RIMS2: variants seen among roughly 807,000 people sequenced by gnomAD.
RIMS2 encodes the protein regulating synaptic membrane exocytosis protein 2.
In RIMS2, 59 loss-of-function variants were observed where a neutral mutation model predicts 174.4. The ratio of observed to expected loss-of-function variants is 0.34; its 90% CI spans 0.27 to 0.42. The LOEUF (loss-of-function observed/expected upper bound fraction) is 0.42, where lower values mean the gene tolerates loss of function less well. Among genes scored for constraint, RIMS2 ranks in the 10% least tolerant of loss-of-function variants. The pLI is 1.00. For missense variants in RIMS2, 1,620 were observed against 1,666.3 expected (o/e 0.97, Z 0.48); for synonymous variants, 606 against 572.5 (o/e 1.06, Z -0.84).
chr8:103,800,425 C>G (rs1396640099), intron 3 of RIMS2, among the ~76,000 whole-genome samples: 2 of 152,086 alleles, frequency 1.3e-5, no homozygotes, highest in Non-Finnish European at 2.9e-5. Flanking sequence ...AGGGTGAATG[C>G]TTTGAGTCTT....
chr8:103,563,317 T>C (rs1184808852), intron 1 of RIMS2, among the ~76,000 whole-genome samples: 1 of 152,176 alleles, frequency 6.6e-6, no homozygotes, highest in African/African-American at 2.4e-5. Flanking sequence ...ATCTTGAATG[T>C]TTTGCTGCTT....
chr8:103,773,559 A>T (rs985028185), intron 3 of RIMS2, among the ~76,000 whole-genome samples: 6 of 151,974 alleles, frequency 3.9e-5, no homozygotes, highest in Non-Finnish European at 7.4e-5. Flanking sequence ...GAGAAAACCC[A>T]TCTCTACTAA....
intron 1 of RIMS2, among the ~76,000 whole-genome samples, chr8:103,560,057 G>GC (rs2091332727): frequency 6.6e-6 from 1 of 152,176 alleles, no homozygotes; most frequent in African/African-American, 2.4e-5. Flanking sequence ...TTCCAAAGCT[G>GC]CCCCCAAATC....
At chr8:104,090,670 G>C (rs182274241) in intron 19 of RIMS2, among the ~76,000 whole-genome samples, 181 of 151,834 alleles carry the variant, frequency 1.2e-3, no homozygotes, top group Non-Finnish European at 1.3e-3. Flanking sequence ...CCTGCAGTCG[G>C]GAATCAGTAT....
chr8:103,579,547 T>C (rs1417634078), intron 1 of RIMS2, among the ~76,000 whole-genome samples: 1 of 152,112 alleles, frequency 6.6e-6, no homozygotes, highest in Non-Finnish European at 1.5e-5. Context: ...CAACATAAAG[T>C]AAAAATGGGA....
intron 1 of RIMS2, among the ~76,000 whole-genome samples, chr8:103,536,737 C>T (rs1325221310): frequency 1.3e-5 from 2 of 152,172 alleles, no homozygotes; most frequent in Non-Finnish European, 2.9e-5. Context: ...TGGTGCTAAA[C>T]TATTCATGAG....
intron 19 of RIMS2, among the ~76,000 whole-genome samples, chr8:104,018,005 A>G (rs1249832626): frequency 6.6e-6 from 1 of 152,058 alleles, no homozygotes; most frequent in Non-Finnish European, 1.5e-5. Context: ...AGCCCAGGAG[A>G]CGCAGGTTGC....
rs144813745 is a variant in RIMS2 at position 104,108,383 on chromosome 8, C to A, written c.3334+93768C>A. ...CATATCTCACTGCAGCCTCCAAATT[C>A]TTGGCTCAAGAGATCTTCCTGCCTC... On this transcript the variant is annotated intron_variant, in intron 19 of 23. Coordinates refer to ENST00000504942, the Ensembl canonical transcript of RIMS2. Among the ~76,000 whole-genome samples, 7 of 152,204 alleles carry A rather than the reference C, an allele frequency of 4.6e-5. No individual in the cohort carries two copies. In the East Asian group the frequency reaches 1.4e-3, roughly 29 times the overall value.
intron 19 of RIMS2, among the ~76,000 whole-genome samples, chr8:104,016,619 G>A (rs1222279456): frequency 1.3e-5 from 2 of 151,966 alleles, no homozygotes; most frequent in African/African-American, 2.4e-5. Flanking sequence ...CTTTTCCTAA[G>A]GAAAGTTTAG....
chr8:103,569,688 C>T (rs967805757), intron 1 of RIMS2, among the ~76,000 whole-genome samples: 4 of 151,900 alleles, frequency 2.6e-5, no homozygotes. Context: ...TTGATTTCAG[C>T]TCACTGTAGC....
At chr8:103,997,346 A>G (rs1431319517) in intron 17 of RIMS2, among the ~76,000 whole-genome samples, 1 of 151,800 alleles carries the variant, frequency 6.6e-6, no homozygotes, top group Non-Finnish European at 1.5e-5. Context: ...GACAAGAACA[A>G]GTGAAGATTT....
chr8:103,516,941 A>G (rs1227242463), intron 1 of RIMS2, among the ~76,000 whole-genome samples: 2 of 152,202 alleles, frequency 1.3e-5, no homozygotes, highest in African/African-American at 2.4e-5. Context: ...TTCCAGCAAT[A>G]CAGTATAGGG....
intron 19 of RIMS2, among the ~76,000 whole-genome samples, chr8:104,078,289 A>G (rs1448185995): frequency 1.3e-5 from 2 of 152,128 alleles, no homozygotes; most frequent in African/African-American, 4.8e-5. Context: ...AACATCCCAT[A>G]TTAGTTGATT....
chr8:103,932,334 C>T (rs17238501), intron 12 of RIMS2, among the ~76,000 whole-genome samples: 29,144 of 152,102 alleles, frequency 0.19, 3,217 homozygotes, highest in Non-Finnish European at 0.24. Flanking sequence ...GAACAACAAT[C>T]TCAGCAAAGA....
At chr8:103,963,417 C>A (rs2090822150) in intron 15 of RIMS2, among the ~76,000 whole-genome samples, 1 of 152,072 alleles carries the variant, frequency 6.6e-6, no homozygotes, top group African/African-American at 2.4e-5. Flanking sequence ...TCATAATAAA[C>A]CTGAACTATC....
At chr8:103,534,621 T>C (rs1838953819) in intron 1 of RIMS2, among the ~76,000 whole-genome samples, 1 of 152,204 alleles carries the variant, frequency 6.6e-6, no homozygotes, top group African/African-American at 2.4e-5. Context: ...CATAAAATCA[T>C]ATTACAGATC....
At chr8:103,664,074 C>T (rs769209634) in intron 1 of RIMS2, among the ~76,000 whole-genome samples, 14 of 152,116 alleles carry the variant, frequency 9.2e-5, no homozygotes, top group Non-Finnish European at 1.5e-4. Context: ...ACTGGCTAGC[C>T]ATATGTAGAA....
chr8:103,713,660 G>T (rs1003732480), intron 2 of RIMS2, among the ~76,000 whole-genome samples: 3 of 151,888 alleles, frequency 2.0e-5, no homozygotes, highest in African/African-American at 7.3e-5. Context: ...TTCAGTTTTG[G>T]CCTGTTAATC....
intron 19 of RIMS2, among the ~76,000 whole-genome samples, chr8:104,049,046 G>A (rs72683173): frequency 0.13 from 19,221 of 151,508 alleles, 1,690 homozygotes; most frequent in Non-Finnish European, 0.19. Context: ...AGTAGAACTG[G>A]GCATCGGACT....
Sources: allele counts gnomAD v4.1 joint callset (sites outside exome capture counted in the v4.1 genomes callset), GRCh38; gene constraint gnomAD v4.1.1; transcripts MANE v1.5; gene names NCBI Gene and HGNC (gene_info 2026-07-23, HGNC 2026-07-21).